ASRGL1: variants seen among roughly 807,000 people sequenced by gnomAD.
ASRGL1 encodes asparaginase and isoaspartyl peptidase 1, also known as isoaspartyl peptidase/L-asparaginase.
ASRGL1 carries 16 observed loss-of-function variants against 22.4 expected under a neutral mutation model. The ratio of observed to expected loss-of-function variants is 0.71; its 90% CI spans 0.48 to 1.08. The LOEUF is 1.08. Among genes scored for constraint, ASRGL1 ranks in the 50% least tolerant of loss-of-function variants. The pLI is 0.00. For synonymous variants in ASRGL1, 165 were observed against 159.3 expected (o/e 1.04, Z -0.27); for missense variants, 412 against 410.1 (o/e 1.00, Z -0.04).
At chr11:62,369,244 A>C (rs751455842) in intron 4 of ASRGL1, among the ~76,000 whole-genome samples, 4 of 152,108 alleles carry the variant, frequency 2.6e-5, no homozygotes, top group African/African-American at 7.2e-5. Flanking sequence ...ACTTTTTTTT[A>C]ACAAAGTACA....
At chr11:62,366,443 T>TA (rs1286359408) in intron 4 of ASRGL1, among the ~76,000 whole-genome samples, 2 of 142,410 alleles carry the variant, frequency 1.4e-5, no homozygotes, top group African/African-American at 4.9e-5. Flanking sequence ...TTGCAAATGT[T>TA]AGAGGTGGGC....
intron 4 of ASRGL1, chr11:62,372,028 C>G (rs753070839): frequency 2.7e-6 from 2 of 741,020 alleles, no homozygotes; most frequent in Admixed American, 1.8e-5. Context: ...TGTGGGGACC[C>G]CATAGGTATG....
intron 4 of ASRGL1, among the ~76,000 whole-genome samples, chr11:62,387,465 A>G (rs1165927844): frequency 6.6e-6 from 1 of 152,164 alleles, no homozygotes; most frequent in African/African-American, 2.4e-5. Flanking sequence ...AGATATCGTG[A>G]TCTGGACTTG....
Sources: allele counts gnomAD v4.1 joint callset (sites outside exome capture counted in the v4.1 genomes callset), GRCh38; gene constraint gnomAD v4.1.1; transcripts MANE v1.5; gene names NCBI Gene and HGNC (gene_info 2026-07-23, HGNC 2026-07-21).